The following TLN2 variants were observed in gnomAD, a reference collection of about 807,000 sequenced individuals.
TLN2 encodes the protein talin 2, also known as talin-2.
TLN2 carries 118 observed loss-of-function variants against 294.7 expected under a neutral mutation model. The observed-to-expected ratio is 0.40, with a 90% CI of 0.34 to 0.47. The LOEUF (loss-of-function observed/expected upper bound fraction) is 0.47, where lower values mean the gene tolerates loss of function less well. Among genes scored for constraint, TLN2 ranks in the 20% least tolerant of loss-of-function variants. TLN2 has a pLI of 0.84. For missense variants in TLN2, 3,083 were observed against 3,282.2 expected (o/e 0.94, Z 1.48); for synonymous variants, 1,431 against 1,304.5 (o/e 1.10, Z -2.09).
At position 62,738,188 on chromosome 15, in the gene TLN2, G is replaced by T. The variant is rs755336190; in HGVS notation, c.3568-26G>T. On this transcript the variant is annotated intron_variant, in intron 29 of 58. Transcript: ENST00000636159. ...TGTGCAGAAATGTTTGTACTTAAAG[G>T]TGCTTCTCTCTCTCCACGAATTCAG... 3 of 1,611,970 alleles carry T rather than the reference G, an allele frequency of 1.9e-6. No individual in the cohort carries two copies. The South Asian group carries it at 3.3e-5, about 18-fold the overall frequency.
chr15:62,792,034 A>G (rs2065110488), intron 45 of TLN2, among the ~76,000 whole-genome samples: 1 of 152,198 alleles, frequency 6.6e-6, no homozygotes, highest in Admixed American at 6.5e-5. Flanking sequence ...TTTAAAGGAA[A>G]CCTCAAACCT....
intron 1 of TLN2, among the ~76,000 whole-genome samples, chr15:62,426,110 G>T (rs1048383181): frequency 6.6e-6 from 1 of 152,172 alleles, no homozygotes; most frequent in Non-Finnish European, 1.5e-5. Flanking sequence ...TTCCATGGAA[G>T]CATTTGTTCT....
rs1187636092 is a variant in TLN2, at chr15:62,727,209, T to C, written c.3358+20T>C. ...ACACAGGTGAGACCCACGCCCTTCA[T>C]GCCACTGTGGCCAGCTTCAGGCCAC... On this transcript the variant is annotated intron_variant, in intron 28 of 58. Transcript: ENST00000636159. The C allele has an allele frequency of 4.4e-6, 7 of 1,605,808 alleles. No homozygotes were observed. The highest frequency in any genetic ancestry group is 6.0e-6 in the Non-Finnish European group (7 of 1,174,972).
intron 11 of TLN2, among the ~76,000 whole-genome samples, chr15:62,678,648 T>G (rs2056492156): frequency 6.6e-6 from 1 of 152,138 alleles, no homozygotes; most frequent in Non-Finnish European, 1.5e-5. Flanking sequence ...CTGGCCAACA[T>G]AGTGAAACCC....
chr15:62,689,638 A>G (rs1391450020), intron 12 of TLN2, among the ~76,000 whole-genome samples: 3 of 151,592 alleles, frequency 2.0e-5, no homozygotes, highest in Non-Finnish European at 4.4e-5. Flanking sequence ...ATGAAGGATA[A>G]TTTTGCCAGG....
Position 62,653,326 on chromosome 15 carries a change from C to G in TLN2, c.517+12C>G. 1 of 1,605,540 alleles carries G rather than the reference C, an allele frequency of 6.2e-7. No homozygotes were observed. Among genetic ancestry groups the G allele is most frequent in the Non-Finnish European group, 8.5e-7 (1 of 1,176,744 alleles). ...CACAGATGATGACCGTAAGTGTTTG[C>G]AGAGGAAGCATGATACAGACACACA... is the stretch of plus-strand genomic sequence containing the variant. On this transcript the variant is annotated intron_variant, in intron 7 of 58. Transcript: ENST00000636159.
chr15:62,681,862 C>T (rs1250339697), intron 11 of TLN2, among the ~76,000 whole-genome samples: 1 of 152,172 alleles, frequency 6.6e-6, no homozygotes, highest in Non-Finnish European at 1.5e-5. Flanking sequence ...GTGATCATGG[C>T]TCACTGCAGC....
intron 1 of TLN2, among the ~76,000 whole-genome samples, chr15:62,486,716 C>T (rs2038421043): frequency 6.6e-6 from 1 of 151,630 alleles, no homozygotes; most frequent in South Asian, 2.1e-4. Flanking sequence ...GTTGAATTTG[C>T]ATAACATAAT....
At chr15:62,826,081 C>CA (rs2068171678) in intron 54 of TLN2, among the ~76,000 whole-genome samples, 1 of 150,816 alleles carries the variant, frequency 6.6e-6, no homozygotes, top group South Asian at 2.1e-4. Context: ...CAGGGTAGAC[C>CA]AGTAGGTCCT....
At chr15:62,629,987 A>G (rs185575474) in intron 3 of TLN2, among the ~76,000 whole-genome samples, 1 of 152,282 alleles carries the variant, frequency 6.6e-6, no homozygotes, top group Admixed American at 6.5e-5. Context: ...AATCTCTTCT[A>G]TGTCTTTAAA....
At position 62,553,449 on chromosome 15, in the gene TLN2, C is replaced by T. The variant is rs1037888477; in HGVS notation, c.-237-36238C>T. ...GCGGCGAGCCGAGATCACGCCATTG[C>T]ACTCCAGTGTGGGCGACAGAGCGAG... On this transcript the variant is annotated intron_variant, in intron 1 of 58. Transcript: ENST00000636159. 7.2e-5 allele frequency among the ~76,000 whole-genome samples: 11 copies of T among 152,052 alleles called. No homozygotes were observed. In the South Asian group the frequency reaches 2.3e-3, roughly 32 times the overall value.
intron 1 of TLN2, among the ~76,000 whole-genome samples, chr15:62,417,281 T>G (rs187957994): frequency 5.3e-4 from 80 of 152,338 alleles, no homozygotes; most frequent in Non-Finnish European, 1.1e-3. Context: ...CTTCGGCATC[T>G]TTGTCCCTTC....
At chr15:62,448,544 G>C (rs1198704712) in intron 1 of TLN2, among the ~76,000 whole-genome samples, 1 of 152,182 alleles carries the variant, frequency 6.6e-6, no homozygotes, top group Non-Finnish European at 1.5e-5. Flanking sequence ...TTATTACAGA[G>C]AGATACCGGG....
At chr15:62,629,456 C>T (rs2049580676) in intron 3 of TLN2, among the ~76,000 whole-genome samples, 1 of 152,154 alleles carries the variant, frequency 6.6e-6, no homozygotes, top group Non-Finnish European at 1.5e-5. Flanking sequence ...GGCTGAGCTT[C>T]GGGAGGTGTC....
chr15:62,514,864 C>T (rs2040107820), intron 1 of TLN2, among the ~76,000 whole-genome samples: 1 of 152,068 alleles, frequency 6.6e-6, no homozygotes. Flanking sequence ...AAAATGAAAA[C>T]TTTCAACTTT....
chr15:62,535,373 G>T (rs988147744), intron 1 of TLN2, among the ~76,000 whole-genome samples: 1 of 151,882 alleles, frequency 6.6e-6, no homozygotes, highest in African/African-American at 2.4e-5. Context: ...GCAGTGGTGT[G>T]GTCCTGGCTA....
chr15:62,702,930 A>G, intron 19 of TLN2, 66 bp downstream of exon 19: 1 of 1,418,122 alleles, frequency 7.1e-7, no homozygotes, highest in East Asian at 2.3e-5. Context: ...CCGAGCAGGC[A>G]GAATGTAATA....
chr15:62,477,265 C>T (rs955157408), intron 1 of TLN2, among the ~76,000 whole-genome samples: 3 of 152,232 alleles, frequency 2.0e-5, no homozygotes, highest in Admixed American at 6.5e-5. Flanking sequence ...GCATTTCTAA[C>T]AAGATACAGG....
intron 19 of TLN2, among the ~76,000 whole-genome samples, chr15:62,703,930 A>G (rs753971501): frequency 3.3e-5 from 5 of 152,138 alleles, no homozygotes; most frequent in Non-Finnish European, 7.4e-5. Context: ...TCAGGCCAGG[A>G]TGAGCTGCTT....
Sources: allele counts gnomAD v4.1 joint callset (sites outside exome capture counted in the v4.1 genomes callset), GRCh38; gene constraint gnomAD v4.1.1; transcripts MANE v1.5; gene names NCBI Gene and HGNC (gene_info 2026-07-23, HGNC 2026-07-21).